The following TMEM91 variants were observed in gnomAD, a reference collection of about 807,000 sequenced individuals.
TMEM91 encodes dispanin subfamily C member 3.
Under a neutral mutation model 13.3 loss-of-function variants are expected in TMEM91, and 6 were observed. The ratio of observed to expected loss-of-function variants is 0.45; its 90% CI spans 0.25 to 0.89. The LOEUF (loss-of-function observed/expected upper bound fraction) is 0.89. Ranked by LOEUF, TMEM91 falls within the 40% of genes least tolerant of loss-of-function variation. The probability of loss-of-function intolerance (pLI) is 0.19; values close to 1 mark genes in which losing one functional copy is unlikely to be tolerated. For missense variants in TMEM91, 193 were observed against 228.7 expected (o/e 0.84, Z 1.01); for synonymous variants, 87 against 101.7 (o/e 0.86, Z 0.87).
intron 1 of TMEM91, among the ~76,000 whole-genome samples, chr19:41,366,591 G>A (rs2123157115): frequency 6.6e-6 from 1 of 152,016 alleles, no homozygotes; most frequent in Non-Finnish European, 1.5e-5. Context: ...TGCATGACAA[G>A]GCTCTCCACA....
intron 2 of TMEM91, among the ~76,000 whole-genome samples, chr19:41,381,295 A>G (rs573567292): frequency 1.4e-4 from 21 of 151,476 alleles, no homozygotes; most frequent in African/African-American, 4.8e-4. Context: ...GGCTCAAGCC[A>G]TCCTCCTGCC....
At chr19:41,374,876 G>T (rs566980817), upstream of TMEM91, among the ~76,000 whole-genome samples, 3 of 152,192 alleles carry the variant, frequency 2.0e-5, no homozygotes, top group South Asian at 6.2e-4. Flanking sequence ...CTAACTACTC[G>T]GGAGGCTGAG....
At chr19:41,377,699 G>A (rs2123185003) in intron 1 of TMEM91, among the ~76,000 whole-genome samples, 1 of 152,126 alleles carries the variant, frequency 6.6e-6, no homozygotes, top group East Asian at 1.9e-4. Flanking sequence ...TGGGTATGTG[G>A]CTTTTGCCTG....
chr19:41,375,850 G>C (rs1315541580), upstream of TMEM91, among the ~76,000 whole-genome samples: 2 of 151,434 alleles, frequency 1.3e-5, no homozygotes, highest in African/African-American at 4.9e-5. Flanking sequence ...TGCCGGGCGC[G>C]GTGGCTCACG....
upstream of TMEM91, among the ~76,000 whole-genome samples, chr19:41,372,575 G>A (rs756981004): frequency 3.3e-5 from 5 of 151,940 alleles, no homozygotes; most frequent in South Asian, 2.1e-4. Flanking sequence ...GGTTATAGGC[G>A]ACCTCCTTTG....
chr19:41,376,052 G>A (rs957369143), upstream of TMEM91, among the ~76,000 whole-genome samples: 6 of 151,942 alleles, frequency 3.9e-5, no homozygotes, highest in East Asian at 1.9e-4. Flanking sequence ...CCCGGGAAGC[G>A]GAGGTTGCGG....
chr19:41,379,821 G>A (rs989169915), intron 2 of TMEM91, among the ~76,000 whole-genome samples: 5 of 151,726 alleles, frequency 3.3e-5, no homozygotes, highest in Non-Finnish European at 7.4e-5. Flanking sequence ...TCAGCTGGTG[G>A]GTGGAACTAG....
chr19:41,365,447 C>T (rs2038503077), intron 1 of TMEM91, among the ~76,000 whole-genome samples: 1 of 152,160 alleles, frequency 6.6e-6, no homozygotes, highest in East Asian at 1.9e-4. Flanking sequence ...CCCTGTCATC[C>T]AGGCTGGAGT....
chr19:41,370,473 G>A (rs922536360), intron 1 of TMEM91, among the ~76,000 whole-genome samples: 9 of 151,470 alleles, frequency 5.9e-5, no homozygotes, highest in African/African-American at 2.2e-4. Context: ...GTGGCACCGT[G>A]TCAGCTCACT....
At chr19:41,380,832 T>G (rs1395976710) in intron 2 of TMEM91, among the ~76,000 whole-genome samples, 6 of 148,310 alleles carry the variant, frequency 4.0e-5, no homozygotes, top group African/African-American at 1.0e-4. Context: ...GAGAATCACT[T>G]AAACCTGGGA....
At chr19:41,372,117 G>A (rs1719335401), upstream of TMEM91, among the ~76,000 whole-genome samples, 1 of 151,858 alleles carries the variant, frequency 6.6e-6, no homozygotes, top group African/African-American at 2.4e-5. Flanking sequence ...AGGGGGCGGG[G>A]GTGGGGATCA....
chr19:41,379,015 G>A (rs2038803306), intron 2 of TMEM91, among the ~76,000 whole-genome samples: 1 of 151,520 alleles, frequency 6.6e-6, no homozygotes. Flanking sequence ...GGTGTTTTTT[G>A]TAGAGAAGAG....
chr19:41,372,359 T>C (rs2123170233), upstream of TMEM91, among the ~76,000 whole-genome samples: 1 of 151,620 alleles, frequency 6.6e-6, no homozygotes, highest in South Asian at 2.1e-4. Context: ...AAAAAAAGTT[T>C]TGGGAGAGAT....
chr19:41,378,723 T>C (rs2038792366), intron 2 of TMEM91, among the ~76,000 whole-genome samples: 1 of 152,208 alleles, frequency 6.6e-6, no homozygotes, highest in African/African-American at 2.4e-5. Flanking sequence ...CTTTTGGCTC[T>C]GTCTTCCCTC....
intron 2 of TMEM91, 76 bp from the exon 3 acceptor site, chr19:41,382,696 G>A: frequency 6.5e-7 from 1 of 1,535,266 alleles, no homozygotes; most frequent in Non-Finnish European, 8.8e-7. Flanking sequence ...ATTGGCCTTT[G>A]AGGGCTATGG....
upstream of TMEM91, among the ~76,000 whole-genome samples, chr19:41,372,208 A>G (rs2038635434): frequency 6.6e-6 from 1 of 152,066 alleles, no homozygotes; most frequent in African/African-American, 2.4e-5. Context: ...TTAGCTGGGC[A>G]TGGTTGTGCG....
chr19:41,382,991 C>T (rs545346339), intron 3 of TMEM91, 70 bp downstream of exon 3: 9 of 1,571,936 alleles, frequency 5.7e-6, no homozygotes, highest in South Asian at 4.6e-5. Context: ...AAACAAAGAG[C>T]CATATACCTG....
intron 2 of TMEM91, among the ~76,000 whole-genome samples, chr19:41,382,126 CA>C (rs1402984223): frequency 2.6e-5 from 4 of 152,106 alleles, no homozygotes; most frequent in Non-Finnish European, 5.9e-5. Context: ...CTCGGTCTCC[CA>C]AAGTGCTGGG....
chr19:41,382,673 C>T (rs375896618), intron 2 of TMEM91, 99 bp from the exon 3 acceptor site: 2 of 1,474,226 alleles, frequency 1.4e-6, no homozygotes, highest in Non-Finnish European at 1.8e-6. Context: ...CTGGGGAAGC[C>T]CTAGGGGCAG....
Sources: allele counts gnomAD v4.1 joint callset (sites outside exome capture counted in the v4.1 genomes callset), GRCh38; gene constraint gnomAD v4.1.1; transcripts MANE v1.5; gene names NCBI Gene and HGNC (gene_info 2026-07-23, HGNC 2026-07-21).